Variants in DNAAF9 observed in about 807,000 individuals in gnomAD.
DNAAF9 encodes shulin.
In DNAAF9, 90 loss-of-function variants were observed where a neutral mutation model predicts 167.0. The ratio of observed to expected loss-of-function variants is 0.54; its 90% CI spans 0.45 to 0.64. DNAAF9 has a LOEUF of 0.64. Ranked by LOEUF, DNAAF9 falls within the 30% of genes least tolerant of loss-of-function variation. The pLI is 0.00. For missense variants in DNAAF9, 1,315 were observed against 1,442.2 expected, an observed-to-expected ratio of 0.91 and a Z score of 1.43; for synonymous variants, 491 against 508.8, an observed-to-expected ratio of 0.96 and a Z score of 0.47.
intron 27 of DNAAF9, among the ~76,000 whole-genome samples, chr20:3,285,498 G>T (rs1268835066): frequency 6.6e-6 from 1 of 152,108 alleles, no homozygotes; most frequent in Non-Finnish European, 1.5e-5. Flanking sequence ...AACCAAGATG[G>T]TGAAACCCCA....
In DNAAF9 at chr20:3,299,885, A is replaced by G. The variant is rs117123500; in HGVS notation, c.1783-1710T>C. On this transcript the variant is annotated intron_variant, in intron 21 of 36. Coordinates refer to ENST00000252032, the MANE Select transcript of DNAAF9 (RefSeq NM_001009984.3). ...TCCCTTGAGAGTCTATAAATTCTACATGAACTTTAGGATGGGTTTTCCTAT... is the reference window on the plus strand; with the variant it reads ...TCCCTTGAGAGTCTATAAATTCTACGTGAACTTTAGGATGGGTTTTCCTAT... Among the ~76,000 whole-genome samples, 399 of 152,276 alleles carry G rather than the reference A, an allele frequency of 2.6e-3. 4 individuals carry two copies. The highest frequency in any genetic ancestry group is 0.018 in the East Asian group (91 of 5,178).
At chr20:3,261,165 T>C (rs993296344) in intron 31 of DNAAF9, among the ~76,000 whole-genome samples, 4 of 151,822 alleles carry the variant, frequency 2.6e-5, no homozygotes, top group African/African-American at 9.7e-5. Context: ...CCTCAGCTTC[T>C]TGAGTAGTTG....
chr20:3,396,497 G>A (rs187878133), intron 1 of DNAAF9, among the ~76,000 whole-genome samples: 10 of 152,322 alleles, frequency 6.6e-5, no homozygotes, highest in East Asian at 1.9e-4. Flanking sequence ...GGAGGGAGGC[G>A]TGAGAGAGGA....
intron 1 of DNAAF9, among the ~76,000 whole-genome samples, chr20:3,388,744 T>C (rs2083785052): frequency 6.6e-6 from 1 of 152,156 alleles, no homozygotes; most frequent in East Asian, 1.9e-4. Flanking sequence ...ATAGTCAACT[T>C]CACAGAGACA....
intron 11 of DNAAF9, 79 bp from the exon 12 acceptor site, chr20:3,330,761 T>A: frequency 1.2e-6 from 1 of 821,062 alleles, no homozygotes; most frequent in Non-Finnish European, 2.0e-6. Flanking sequence ...AAATGCTTAA[T>A]TTACCTGGAA....
At chr20:3,296,272 C>A in intron 23 of DNAAF9, 8 of 400,228 alleles carry the variant, frequency 2.0e-5, no homozygotes, top group East Asian at 6.1e-5. Flanking sequence ...CTGGGCGCCC[C>A]CCAAGACAGG....
chr20:3,389,373 A>T (rs1055357836), intron 1 of DNAAF9, among the ~76,000 whole-genome samples: 1 of 148,926 alleles, frequency 6.7e-6, no homozygotes, highest in Non-Finnish European at 1.5e-5. Context: ...CTGGTCTCAA[A>T]CTCCTGGGCT....
At chr20:3,340,709 A>T in intron 9 of DNAAF9, 70 bp from the exon 10 acceptor site, 1 of 1,452,560 alleles carries the variant, frequency 6.9e-7, no homozygotes, top group South Asian at 1.2e-5. Context: ...CATGACCTTA[A>T]TAAGTCCTCA....
chr20:3,304,437 T>G lies in DNAAF9; in HGVS notation c.1782+3A>C. The G allele has an allele frequency of 7.6e-7, 1 of 1,322,924 alleles. No homozygotes were observed. The highest frequency in any genetic ancestry group is 1.1e-6 in the Non-Finnish European group (1 of 915,180). 81.9% of individuals were successfully genotyped at this position (1,322,924 alleles called of 1,614,324 possible). A position where few individuals can be genotyped will look rare whatever the true frequency, so the allele number is the denominator to read the frequency against. ...AAAAGCCACTGACTAGTAAAACACC[T>G]ACCCCATCATAGAAGGAAATGGAAT... is the stretch of plus-strand genomic sequence containing the variant. On this transcript the variant is annotated splice_donor_region_variant and intron_variant, in intron 21 of 36. Coordinates refer to ENST00000252032, the MANE Select transcript of DNAAF9 (RefSeq NM_001009984.3).
intron 21 of DNAAF9, among the ~76,000 whole-genome samples, chr20:3,300,792 C>T (rs952339422): frequency 2.7e-5 from 4 of 149,912 alleles, no homozygotes; most frequent in East Asian, 1.9e-4. Flanking sequence ...GATCCACCTG[C>T]CTTGGCCTCC....
rs1303444560 is a variant in DNAAF9, at chr20:3,316,834, G to C, written c.1469-41C>G. 3 of 1,477,492 alleles carry C rather than the reference G, an allele frequency of 2.0e-6. No homozygotes were observed. The Admixed American group carries it at 5.1e-5, about 25-fold the overall frequency. The allele number at this position is 1,477,492 out of a possible 1,614,324, so 91.5% of individuals were successfully genotyped here. A position where few individuals can be genotyped will look rare whatever the true frequency, so the allele number is the denominator to read the frequency against. On this transcript the variant is annotated intron_variant, in intron 17 of 36. Coordinates refer to ENST00000252032, the MANE Select transcript of DNAAF9 (RefSeq NM_001009984.3). ...ACACATGCCAGTTAATTCCCTACCA[G>C]CTCAGCCTGCCTTGCAGGCCCCAGA...
chr20:3,336,252 GTTTTTGTTTTT>G (rs1389859706), intron 10 of DNAAF9, among the ~76,000 whole-genome samples: 1 of 81,444 alleles, frequency 1.2e-5, no homozygotes, highest in Non-Finnish European at 2.5e-5. Flanking sequence ...ACAGTTTTGC[GTTTTTGTTTTT>G]TTTTTTTTTT....
At chr20:3,322,533 G>A in intron 15 of DNAAF9, 119 bp downstream of exon 15, 2 of 863,070 alleles carry the variant, frequency 2.3e-6, no homozygotes, top group South Asian at 2.7e-5. Flanking sequence ...GCCCAACCCT[G>A]GAGTGATGTC....
intron 30 of DNAAF9, among the ~76,000 whole-genome samples, chr20:3,269,275 T>C (rs113469630): frequency 0.015 from 2,329 of 151,682 alleles, 30 homozygotes; most frequent in Non-Finnish European, 0.023. Flanking sequence ...AATGGTGTGA[T>C]CATGGCTCAG....
chr20:3,378,683 T>A (rs1048528840), intron 3 of DNAAF9, among the ~76,000 whole-genome samples: 1 of 152,024 alleles, frequency 6.6e-6, no homozygotes, highest in Non-Finnish European at 1.5e-5. Context: ...GGCACACGCA[T>A]AGGGGCAGAG....
intron 8 of DNAAF9, among the ~76,000 whole-genome samples, chr20:3,348,070 G>A (rs1388867963): frequency 6.6e-6 from 1 of 152,182 alleles, no homozygotes; most frequent in Non-Finnish European, 1.5e-5. Context: ...GGATTCCTTG[G>A]ATCCTTCCTG....
chr20:3,327,823 A>G (rs977345391), intron 12 of DNAAF9, among the ~76,000 whole-genome samples: 4 of 152,114 alleles, frequency 2.6e-5, no homozygotes, highest in African/African-American at 9.7e-5. Flanking sequence ...CCTGCACCAC[A>G]TGCAGGACAT....
chr20:3,407,401 C>T (rs1025753044), intron 1 of DNAAF9, 74 bp downstream of exon 1: 57 of 1,153,990 alleles, frequency 4.9e-5, no homozygotes, highest in Non-Finnish European at 6.0e-5. Flanking sequence ...CGCCCTGCGG[C>T]GGGAGGCGTC....
intron 10 of DNAAF9, among the ~76,000 whole-genome samples, chr20:3,337,198 C>T (rs1292414962): frequency 6.6e-6 from 1 of 151,622 alleles, no homozygotes; most frequent in African/African-American, 2.4e-5. Context: ...TTTTTCTACA[C>T]ATCTTCTATT....
Sources: gnomAD v4.1 joint callset for allele counts (sites outside exome capture counted in the v4.1 genomes callset) on GRCh38, gnomAD v4.1.1 for gene constraint, MANE v1.5 for transcripts, NCBI Gene and HGNC (gene_info 2026-07-23, HGNC 2026-07-21) for gene names.